THRB: variants seen among roughly 807,000 people sequenced by gnomAD.
THRB encodes the protein thyroid hormone receptor beta.
A neutral mutation model predicts 47.8 loss-of-function variants in THRB; 12 were observed. The observed-to-expected ratio is 0.25, with a 90% CI of 0.16 to 0.41. THRB has a LOEUF of 0.41. THRB is among the 10% of genes least tolerant of loss of function. The pLI, the probability that THRB is intolerant of heterozygous loss-of-function variation, is 1.00. For missense variants in THRB, 348 were observed against 589.2 expected, an observed-to-expected ratio of 0.59 and a Z score of 4.24; for synonymous variants, 218 against 212.2, an observed-to-expected ratio of 1.03 and a Z score of -0.24.
chr3:24,330,411 G>C (rs964093184), intron 2 of THRB, among the ~76,000 whole-genome samples: 35 of 152,182 alleles, frequency 2.3e-4, no homozygotes, highest in Non-Finnish European at 4.3e-4. Context: ...TTATAAGGCA[G>C]TTCAGACATT....
Position 24,286,012 on chromosome 3 carries a change from G to C in THRB, c.-43+11214C>G, listed in dbSNP as rs73823279. On this transcript the variant is annotated intron_variant, in intron 3 of 10. Transcript: ENST00000646209. ...CATGATGGGATTAGTGCCCTTATGT[G>C]AAGATGAAGATGGAGAGATTTTGCT... Among the ~76,000 whole-genome samples the C allele has an allele frequency of 8.4e-3, 1,273 of 152,264 alleles. 22 individuals are homozygous for C. The highest frequency in any genetic ancestry group is 0.029 in the African/African-American group (1,194 of 41,542).
intron 3 of THRB, among the ~76,000 whole-genome samples, chr3:24,240,767 G>T (rs1478050092): frequency 1.3e-5 from 2 of 152,126 alleles, no homozygotes; most frequent in African/African-American, 4.8e-5. Flanking sequence ...AGTTTGGGGT[G>T]CCTGAGAGTC....
At chr3:24,431,821 T>A (rs1470796422) in intron 1 of THRB, among the ~76,000 whole-genome samples, 1 of 152,026 alleles carries the variant, frequency 6.6e-6, no homozygotes, top group Non-Finnish European at 1.5e-5. Flanking sequence ...AATGGAAAAA[T>A]TCTAGCTTTA....
intron 3 of THRB, among the ~76,000 whole-genome samples, chr3:24,244,825 A>G (rs2049942724): frequency 6.6e-6 from 1 of 152,236 alleles, no homozygotes; most frequent in Admixed American, 6.5e-5. Context: ...ATATGGAACA[A>G]TAACAGCACA....
At chr3:24,266,697 A>G (rs1409482424) in intron 3 of THRB, among the ~76,000 whole-genome samples, 1 of 152,194 alleles carries the variant, frequency 6.6e-6, no homozygotes, top group Non-Finnish European at 1.5e-5. Flanking sequence ...TGATGTTGGA[A>G]GCTAATACCC....
intron 3 of THRB, among the ~76,000 whole-genome samples, chr3:24,289,139 A>G (rs988054305): frequency 6.6e-6 from 1 of 152,200 alleles, no homozygotes; most frequent in African/African-American, 2.4e-5. Context: ...GAAGGCTGGC[A>G]AGTGGACAGA....
intron 3 of THRB, among the ~76,000 whole-genome samples, chr3:24,237,811 C>A (rs28524689): frequency 0.025 from 3,768 of 152,220 alleles, 154 homozygotes; most frequent in African/African-American, 0.083. Flanking sequence ...ACTAGGTCAG[C>A]AGTGGCAGAG....
rs558953303 is a variant in THRB, at chr3:24,440,815, A to C, written c.-261+53837T>G. Among the ~76,000 whole-genome samples, 8 of 152,324 alleles carry C rather than the reference A, an allele frequency of 5.3e-5. No individual in the cohort carries two copies. The South Asian group carries it at 1.7e-3, about 32-fold the overall frequency. On this transcript the variant is annotated intron_variant, in intron 1 of 10. Coordinates refer to ENST00000646209, the MANE Select transcript of THRB (RefSeq NM_001354712.2). ...TGTACTGAGGGAAACAGGTGATCTGAGATAAGAGAATGCAAGAGACTAAAT... is the reference window on the plus strand; with the variant it reads ...TGTACTGAGGGAAACAGGTGATCTGCGATAAGAGAATGCAAGAGACTAAAT...
intron 1 of THRB, among the ~76,000 whole-genome samples, chr3:24,470,152 C>T (rs947571501): frequency 6.6e-6 from 1 of 152,176 alleles, no homozygotes; most frequent in South Asian, 2.1e-4. Context: ...CTGCTCCTAG[C>T]TTTGCTTGAA....
At chr3:24,390,850 A>T (rs547008220) in intron 1 of THRB, among the ~76,000 whole-genome samples, 1 of 151,456 alleles carries the variant, frequency 6.6e-6, no homozygotes, top group East Asian at 1.9e-4. Context: ...AAAAACTCAT[A>T]GGTAGAATAT....
chr3:24,448,105 T>C (rs1362654754), intron 1 of THRB, among the ~76,000 whole-genome samples: 1 of 152,102 alleles, frequency 6.6e-6, no homozygotes, highest in Non-Finnish European at 1.5e-5. Context: ...AACTGAATTA[T>C]GAATCCTTCT....
intron 3 of THRB, among the ~76,000 whole-genome samples, chr3:24,252,124 A>G (rs973751285): frequency 2.0e-5 from 3 of 152,132 alleles, no homozygotes; most frequent in African/African-American, 7.2e-5. Flanking sequence ...GATGACTTAA[A>G]AACCCACAGG....
At chr3:24,286,210 C>G (rs567427530) in intron 3 of THRB, among the ~76,000 whole-genome samples, 23 of 152,316 alleles carry the variant, frequency 1.5e-4, no homozygotes, top group African/African-American at 5.5e-4. Context: ...GCAACCTAAT[C>G]TATGATATTT....
At chr3:24,123,253 T>G (rs2032037065) in intron 10 of THRB, 128 bp from the exon 11 acceptor site, 2 of 1,380,844 alleles carry the variant, frequency 1.4e-6, no homozygotes, top group African/African-American at 2.8e-5. Context: ...TGAGCATGGA[T>G]GCAGCGTGAA....
chr3:24,309,255 G>GCA (rs375187235), intron 2 of THRB, among the ~76,000 whole-genome samples: 2 of 151,600 alleles, frequency 1.3e-5, no homozygotes, highest in Admixed American at 6.6e-5. Flanking sequence ...ATTGATTCAT[G>GCA]CACACACACA....
intron 2 of THRB, among the ~76,000 whole-genome samples, chr3:24,300,067 A>G (rs2056826549): frequency 6.6e-6 from 1 of 151,978 alleles, no homozygotes; most frequent in Non-Finnish European, 1.5e-5. Context: ...ACACAAAACA[A>G]TATTTTCCCT....
intron 1 of THRB, among the ~76,000 whole-genome samples, chr3:24,403,355 T>A (rs2067571714): frequency 6.6e-6 from 1 of 152,024 alleles, no homozygotes; most frequent in East Asian, 1.9e-4. Context: ...ATCCATAATA[T>A]TAATTTTATT....
intron 3 of THRB, among the ~76,000 whole-genome samples, chr3:24,268,808 T>C (rs1229111914): frequency 1.3e-5 from 2 of 152,208 alleles, no homozygotes; most frequent in Non-Finnish European, 2.9e-5. Context: ...TTATGTTATA[T>C]TTAAATTTTA....
At chr3:24,200,251 C>T (rs939084639) in intron 4 of THRB, among the ~76,000 whole-genome samples, 1 of 152,248 alleles carries the variant, frequency 6.6e-6, no homozygotes, top group Admixed American at 6.5e-5. Flanking sequence ...TCTGAACCCA[C>T]ATTTTTCAAA....
Sources: gnomAD v4.1 joint callset for allele counts (sites outside exome capture counted in the v4.1 genomes callset) on GRCh38, gnomAD v4.1.1 for gene constraint, MANE v1.5 for transcripts, NCBI Gene and HGNC (gene_info 2026-07-23, HGNC 2026-07-21) for gene names.